The following MANBA variants were observed in gnomAD, a reference collection of about 807,000 sequenced individuals.
The protein encoded by MANBA is beta-mannosidase.
A neutral mutation model predicts 111.1 loss-of-function variants in MANBA; 83 were observed. The observed-to-expected ratio is 0.75, with a 90% CI of 0.63 to 0.90. The LOEUF (loss-of-function observed/expected upper bound fraction) is 0.90. Among genes scored for constraint, MANBA ranks in the 40% least tolerant of loss-of-function variants. The pLI is 0.00. For missense variants in MANBA, 1,036 were observed against 1,069.0 expected (o/e 0.97, Z 0.43); for synonymous variants, 370 against 378.7 (o/e 0.98, Z 0.27).
At chr4:102,715,595 CTA>C (rs1722288802) in intron 4 of MANBA, among the ~76,000 whole-genome samples, 1 of 152,098 alleles carries the variant, frequency 6.6e-6, no homozygotes, top group African/African-American at 2.4e-5. Flanking sequence ...CATCATCCAG[CTA>C]TTAAGCCTAG....
intron 1 of MANBA, chr4:102,730,085 G>T: frequency 1.1e-6 from 1 of 878,988 alleles, no homozygotes; most frequent in Non-Finnish European, 1.8e-6. Flanking sequence ...TCTGGACACT[G>T]GGCCCACTTG....
At chr4:102,653,324 T>C (rs897063896) in intron 12 of MANBA, among the ~76,000 whole-genome samples, 3 of 151,548 alleles carry the variant, frequency 2.0e-5, no homozygotes, top group Non-Finnish European at 2.9e-5. Context: ...TTCAGAAAGA[T>C]TAAATAATCT....
chr4:102,694,268 C>G (rs1732609683), intron 5 of MANBA, among the ~76,000 whole-genome samples: 1 of 152,126 alleles, frequency 6.6e-6, no homozygotes, highest in Non-Finnish European at 1.5e-5. Flanking sequence ...AAAGTTATCA[C>G]CAGATATACT....
intron 11 of MANBA, chr4:102,658,999 CA>C: frequency 1.3e-5 from 2 of 152,196 alleles, no homozygotes; most frequent in South Asian, 4.2e-4. Context: ...AAGTATTCGT[CA>C]AGTCTATTGT....
intron 7 of MANBA, among the ~76,000 whole-genome samples, chr4:102,676,211 T>C (rs897241102): frequency 6.6e-6 from 1 of 152,202 alleles, no homozygotes; most frequent in Admixed American, 6.5e-5. Context: ...CAATGGAACA[T>C]TTAAAAATAA....
intron 1 of MANBA, among the ~76,000 whole-genome samples, chr4:102,760,473 C>A (rs944520089): frequency 6.6e-6 from 1 of 152,220 alleles, no homozygotes; most frequent in Non-Finnish European, 1.5e-5. Flanking sequence ...ACACTGTTCC[C>A]CTATCTAAAC....
chr4:102,723,420 C>T (rs75796437), intron 3 of MANBA, among the ~76,000 whole-genome samples: 2,145 of 152,254 alleles, frequency 0.014, 56 homozygotes, highest in African/African-American at 0.049. Context: ...CCTGCCTCTC[C>T]GGTATGAACA....
intron 1 of MANBA, chr4:102,752,602 C>T: frequency 1.6e-6 from 1 of 618,694 alleles, no homozygotes; most frequent in South Asian, 1.4e-5. Flanking sequence ...AATTGTATTC[C>T]TACAGATATT....
rs183931641 is a variant in MANBA at position 102,651,989 on chromosome 4, C to T, written c.1705-1288G>A. ...TTTTAATTGACACAATAAGTGTACACATTTATGGGGTACCATGTTATAATT... is the reference window on the plus strand; with the variant it reads ...TTTTAATTGACACAATAAGTGTACATATTTATGGGGTACCATGTTATAATT... On this transcript the variant is annotated intron_variant, in intron 12 of 16. Transcript: ENST00000647097. Among the ~76,000 whole-genome samples, 10 of 152,220 alleles carry T rather than the reference C, an allele frequency of 6.6e-5. No homozygotes were observed. In the East Asian group the frequency reaches 1.9e-3, roughly 29 times the overall value.
At chr4:102,729,022 C>G in intron 1 of MANBA, 1 of 972,224 alleles carries the variant, frequency 1.0e-6, no homozygotes. Context: ...TCTCGATGTC[C>G]AGGGCCAGCT....
At chr4:102,713,962 T>C (rs1020257029) in intron 5 of MANBA, among the ~76,000 whole-genome samples, 7 of 152,040 alleles carry the variant, frequency 4.6e-5, no homozygotes, top group Admixed American at 1.3e-4. Context: ...TTCCAGTTTA[T>C]TTTTAACTCT....
intron 1 of MANBA, among the ~76,000 whole-genome samples, chr4:102,758,551 CTTT>C (rs374542775): frequency 7.3e-5 from 10 of 137,094 alleles, no homozygotes; most frequent in Admixed American, 7.4e-5. Flanking sequence ...TACTTTTTTT[CTTT>C]TTTTTTTTTT....
rs1731485095 is a variant in MANBA, at chr4:102,671,309, T to C, written c.1202A>G (p.Tyr401Cys). 5 of 1,590,170 alleles carry C rather than the reference T, an allele frequency of 3.1e-6. No homozygotes were observed. Among genetic ancestry groups the C allele is most frequent in the Non-Finnish European group, 4.3e-6 (5 of 1,158,322 alleles). ...GGGIYEQDEF[Y>C]ELCDELGIMV... ...TATTCCTAGTTCATCACAGAGTTCA[T>C]AGAATTCATCCTGCTCATAAATTCC... The change falls in exon 9 of 17, where the codon TAT becomes TGT. Residue 401 changes from tyrosine (Y) to cysteine (C), a missense_variant. Tyr to Cys is a radical substitution (Grantham distance 194). Transcript: ENST00000647097.
At chr4:102,714,300 C>G in intron 5 of MANBA, 138 bp downstream of exon 5, 1 of 862,022 alleles carries the variant, frequency 1.2e-6, no homozygotes, top group Non-Finnish European at 1.8e-6. Context: ...CTATTTTTTA[C>G]TTTTATAAAT....
rs113552770 is a variant in MANBA at position 102,723,937 on chromosome 4, C to T, written c.303G>A (p.Glu101=). The T allele has an allele frequency of 1.4e-5, 23 of 1,610,478 alleles. No individual in the cohort carries two copies. The African/African-American group carries it at 2.3e-4, about 16-fold the overall frequency. ...GGATTTTTGAAACCGTATCCACTCC[C>T]TCAAGAATCAAATTTACTTTTTGCC... ...SKWQKVNLIL[E]GVDTVSKILF... is the part of the protein sequence containing the mutation. The change falls in exon 3 of 17, where the codon GAG becomes GAA. Residue 101 remains glutamate (E), a synonymous_variant. Coordinates refer to ENST00000647097, the MANE Select transcript of MANBA (RefSeq NM_005908.4).
At chr4:102,650,516 T>C (rs2110203013) in intron 13 of MANBA, 21 bp downstream of exon 13, 1 of 1,594,964 alleles carries the variant, frequency 6.3e-7, no homozygotes, top group Non-Finnish European at 8.6e-7. Flanking sequence ...CCTGTTCAAT[T>C]CTAGAATGAA....
At chr4:102,718,945 T>C (rs1423098330) in intron 4 of MANBA, among the ~76,000 whole-genome samples, 2 of 152,046 alleles carry the variant, frequency 1.3e-5, no homozygotes, top group Non-Finnish European at 2.9e-5. Context: ...CAAAGGGCAA[T>C]AAAGATCACA....
chr4:102,747,521 G>A (rs1004767692), intron 1 of MANBA, among the ~76,000 whole-genome samples: 4 of 152,076 alleles, frequency 2.6e-5, no homozygotes, highest in South Asian at 4.1e-4. Context: ...TTAGTACTTC[G>A]TATCTTTCAA....
In MANBA at chr4:102,760,926, G is replaced by A. The variant is rs1188723384; in HGVS notation, c.-32C>T. ...ATCCCGCGCCACCGAGATGTGGAGA[G>A]ATCGAAAGGCAGCGCTGCAAGGGAC... is the stretch of plus-strand genomic sequence containing the variant. On this transcript the variant is annotated 5_prime_UTR_variant, in exon 1 of 17. Coordinates refer to ENST00000647097, the MANE Select transcript of MANBA (RefSeq NM_005908.4). 1.9e-6 allele frequency: 3 copies of A among 1,542,438 alleles called. No individual in the cohort carries two copies. Among genetic ancestry groups the A allele is most frequent in the Admixed American group, 1.9e-5 (1 of 51,922 alleles).
Sources: gnomAD v4.1 joint callset for allele counts (sites outside exome capture counted in the v4.1 genomes callset) on GRCh38, gnomAD v4.1.1 for gene constraint, MANE v1.5 for transcripts, NCBI Gene and HGNC (gene_info 2026-07-23, HGNC 2026-07-21) for gene names.